Variants in ASTN2 observed in about 807,000 individuals in gnomAD.
ASTN2 encodes astrotactin-2.
ASTN2 carries 54 observed loss-of-function variants against 139.8 expected under a neutral mutation model. That is an observed-to-expected ratio of 0.39 (90% CI 0.31 to 0.48). The LOEUF (loss-of-function observed/expected upper bound fraction) is 0.48. ASTN2 is among the 20% of genes least tolerant of loss of function. The pLI is 0.95. For missense variants in ASTN2, 1,565 were observed against 1,725.1 expected (o/e 0.91, Z 1.64); for synonymous variants, 756 against 719.5 (o/e 1.05, Z -0.81).
At chr9:116,654,089 C>G (rs755097794) in intron 16 of ASTN2, among the ~76,000 whole-genome samples, 1 of 152,068 alleles carries the variant, frequency 6.6e-6, no homozygotes. Flanking sequence ...AATAGCCGTT[C>G]GGGGAGAAGG....
chr9:116,493,584 C>A (rs911141138), intron 19 of ASTN2, among the ~76,000 whole-genome samples: 2 of 152,034 alleles, frequency 1.3e-5, no homozygotes, highest in Non-Finnish European at 2.9e-5. Flanking sequence ...TTTCTAGAGG[C>A]CCCACCCCCT....
chr9:117,360,936 T>C (rs112787274), intron 1 of ASTN2, among the ~76,000 whole-genome samples: 4 of 152,334 alleles, frequency 2.6e-5, no homozygotes, highest in African/African-American at 9.6e-5. Flanking sequence ...ATTATGCCCC[T>C]TTATGTAGAA....
At chr9:116,776,522 C>T (rs544177955) in intron 13 of ASTN2, among the ~76,000 whole-genome samples, 11 of 152,258 alleles carry the variant, frequency 7.2e-5, no homozygotes, top group African/African-American at 2.6e-4. Flanking sequence ...TGACTATATG[C>T]CTCCTCTCTA....
intron 19 of ASTN2, among the ~76,000 whole-genome samples, chr9:116,492,789 C>T (rs10983195): frequency 0.16 from 23,795 of 152,126 alleles, 2,272 homozygotes; most frequent in Middle Eastern, 0.23. Context: ...CTGAGAAAGA[C>T]ACAAAGTCTC....
intron 19 of ASTN2, among the ~76,000 whole-genome samples, chr9:116,508,766 A>G (rs1173409749): frequency 6.6e-6 from 1 of 152,188 alleles, no homozygotes; most frequent in African/African-American, 2.4e-5. Context: ...ACTGACTGTC[A>G]TATATTCTTT....
intron 13 of ASTN2, among the ~76,000 whole-genome samples, chr9:116,735,398 A>T (rs1420270805): frequency 6.6e-6 from 1 of 152,244 alleles, no homozygotes; most frequent in African/African-American, 2.4e-5. Flanking sequence ...CCTAGCCAGG[A>T]CTAAATGTCC....
intron 20 of ASTN2, among the ~76,000 whole-genome samples, chr9:116,482,044 C>T (rs574532008): frequency 2.0e-5 from 3 of 152,108 alleles, no homozygotes; most frequent in Admixed American, 6.5e-5. Context: ...TAACACTACC[C>T]GGCCGGGCAC....
At chr9:117,308,657 T>C (rs932559509) in intron 1 of ASTN2, among the ~76,000 whole-genome samples, 2 of 151,808 alleles carry the variant, frequency 1.3e-5, no homozygotes, top group African/African-American at 4.8e-5. Flanking sequence ...AAGAGAAAGT[T>C]TGGGGAACAA....
At chr9:116,801,309 G>A (rs940453530) in intron 13 of ASTN2, among the ~76,000 whole-genome samples, 4 of 152,016 alleles carry the variant, frequency 2.6e-5, no homozygotes, top group African/African-American at 7.2e-5. Context: ...ACGGCTGGGC[G>A]GGGTGGCTCA....
At chr9:116,569,259 T>C (rs1853390832) in intron 19 of ASTN2, among the ~76,000 whole-genome samples, 1 of 152,234 alleles carries the variant, frequency 6.6e-6, no homozygotes, top group South Asian at 2.1e-4. Context: ...ACTGCAAGTC[T>C]CAGAGCTTTG....
chr9:116,805,077 C>A (rs1206245997), intron 13 of ASTN2, among the ~76,000 whole-genome samples: 2 of 138,780 alleles, frequency 1.4e-5, no homozygotes, highest in Non-Finnish European at 3.1e-5. Context: ...GTGAAAAAAG[C>A]AATTTCTAAA....
chr9:117,166,946 A>C (rs979009146), intron 3 of ASTN2, among the ~76,000 whole-genome samples: 104 of 152,258 alleles, frequency 6.8e-4, no homozygotes, highest in African/African-American at 2.5e-3. Context: ...TTCCTGCCAT[A>C]CTGGGCTGGT....
At chr9:117,090,353 C>T (rs1828675375) in intron 5 of ASTN2, among the ~76,000 whole-genome samples, 1 of 152,108 alleles carries the variant, frequency 6.6e-6, no homozygotes, top group Non-Finnish European at 1.5e-5. Flanking sequence ...CATCCCTTTG[C>T]CTTTTTCTCC....
At chr9:116,719,632 A>G (rs183973411) in intron 16 of ASTN2, among the ~76,000 whole-genome samples, 3 of 152,286 alleles carry the variant, frequency 2.0e-5, no homozygotes, top group Admixed American at 2.0e-4. Flanking sequence ...TGTTGGAGGT[A>G]TAAAGTAGAA....
chr9:116,654,662 C>G (rs1237514430), intron 16 of ASTN2, among the ~76,000 whole-genome samples: 1 of 152,180 alleles, frequency 6.6e-6, no homozygotes, highest in African/African-American at 2.4e-5. Flanking sequence ...TTTCCAAGGT[C>G]ACACAGTGAG....
At chr9:117,134,289 TATATATACACACACACACACACACAC>T (rs1321945712) in intron 4 of ASTN2, among the ~76,000 whole-genome samples, 1 of 81,408 alleles carries the variant, frequency 1.2e-5, no homozygotes, top group Non-Finnish European at 2.5e-5. Flanking sequence ...TATATATATA[TATATATACACACACACACACACACAC>T]ACACACACAC....
intron 6 of ASTN2, among the ~76,000 whole-genome samples, chr9:117,015,256 C>T (rs897037023): frequency 2.0e-5 from 3 of 152,004 alleles, no homozygotes; most frequent in Non-Finnish European, 2.9e-5. Context: ...TGGGCTCAAG[C>T]GATCCACCTG....
At chr9:117,254,171 T>A (rs545907677) in intron 2 of ASTN2, among the ~76,000 whole-genome samples, 1 of 152,236 alleles carries the variant, frequency 6.6e-6, no homozygotes, top group South Asian at 2.1e-4. Context: ...ATAGGTACCA[T>A]AGAATGATGG....
intron 19 of ASTN2, among the ~76,000 whole-genome samples, chr9:116,525,293 G>C (rs563998322): frequency 6.6e-6 from 1 of 152,204 alleles, no homozygotes; most frequent in Non-Finnish European, 1.5e-5. Flanking sequence ...AAGGATTCAA[G>C]AGGTGACCTG....
Sources: allele counts gnomAD v4.1 joint callset (sites outside exome capture counted in the v4.1 genomes callset), GRCh38; gene constraint gnomAD v4.1.1; transcripts MANE v1.5; gene names NCBI Gene and HGNC (gene_info 2026-07-23, HGNC 2026-07-21).